Variants in RIC1 observed in about 807,000 individuals in gnomAD.
RIC1 encodes the protein RIC1 partner of RAB6A GEF complex, also known as guanine nucleotide exchange factor subunit RIC1.
Under a neutral mutation model 169.0 loss-of-function variants are expected in RIC1, and 88 were observed. The ratio of observed to expected loss-of-function variants is 0.52; its 90% CI spans 0.44 to 0.62. RIC1 has a LOEUF of 0.62. Ranked by LOEUF, RIC1 falls within the 20% of genes least tolerant of loss-of-function variation. RIC1 has a pLI of 0.00. For missense variants in RIC1, 1,877 were observed against 1,725.5 expected (o/e 1.09, Z -1.56); for synonymous variants, 790 against 601.5 (o/e 1.31, Z -4.59).
chr9:5,716,438 C>T (rs555656316), intron 4 of RIC1, among the ~76,000 whole-genome samples: 44 of 152,192 alleles, frequency 2.9e-4, no homozygotes, highest in African/African-American at 1.1e-3. Flanking sequence ...CATAGTGAAA[C>T]CCTGTCTCTA....
At chr9:5,633,060 T>C (rs921249200) in intron 1 of RIC1, among the ~76,000 whole-genome samples, 12 of 152,220 alleles carry the variant, frequency 7.9e-5, no homozygotes, top group African/African-American at 2.9e-4. Flanking sequence ...TTGTGAGATA[T>C]CACTGTTGTA....
In RIC1 at chr9:5,720,217, C is replaced by G; in HGVS notation, c.476C>G (p.Thr159Ser). Residue 159 changes from threonine (T) to serine (S), a missense_variant, in exon 5 of 26, where the codon ACT (threonine) becomes AGT (serine). Transcript: ENST00000414202. ...GTGTTGGAAGATCTCCTGGTTGCTA[C>G]TTCTGATGGACTTCTTCATCTTATT... is the stretch of plus-strand genomic sequence containing the variant. Reference protein sequence around the residue: ...QSVLEDLLVATSDGLLHLIHW... With the variant: ...QSVLEDLLVASSDGLLHLIHW... 6.2e-7 allele frequency: 1 copy of G among 1,612,930 alleles called. No homozygotes were observed. The highest frequency in any genetic ancestry group is 8.5e-7 in the Non-Finnish European group (1 of 1,178,968).
chr9:5,629,118 C>G lies in RIC1; in HGVS notation c.-192C>G, dbSNP rs546036177. 1.0e-5 allele frequency: 4 copies of G among 400,400 alleles called. No homozygotes were observed. The highest frequency in any genetic ancestry group is 4.8e-5 in the Admixed American group (1 of 21,010). 24.8% of individuals were successfully genotyped at this position (400,400 alleles called of 1,614,324 possible). The stretch of plus-strand genomic sequence containing the variant: ...CCCTTCCCTCCCCCACACTCGGCCC[C>G]GTCAGCTTGGGGGTGCCTTCGTCGC... On this transcript the variant is annotated 5_prime_UTR_variant, in exon 1 of 26. Transcript: ENST00000414202.
Position 5,720,697 on chromosome 9 carries a change from A to G in RIC1, c.667A>G (p.Asn223Asp), listed in dbSNP as rs954089478. ...ATLDGFAVVF[N>D]DGKVGFITPV... ...ACTTGATGGGTTTGCTGTTGTATTT[A>G]ATGATGGTAAAGTTGGATTTATTAC... The change falls in exon 6 of 26, where the codon AAT becomes GAT. Residue 223 changes from asparagine (N) to aspartate (D), a missense_variant. Asn to Asp is a conservative substitution (Grantham distance 23). Around this residue, in one of 3 missense-constraint regions of RIC1, gnomAD observed 1,104 missense variants for 992.0 expected, o/e 1.11. Transcript: ENST00000414202. 16 of 1,612,482 alleles carry G rather than the reference A, an allele frequency of 9.9e-6. No individual in the cohort carries two copies. The highest frequency in any genetic ancestry group is 1.7e-4 in the Middle Eastern group (1 of 6,056).
rs558288145 is a variant in RIC1, at chr9:5,768,686, C to T, written c.3138-284C>T. 2.6e-5 allele frequency among the ~76,000 whole-genome samples: 4 copies of T among 152,208 alleles called. No homozygotes were observed. The East Asian group carries it at 7.7e-4, about 29-fold the overall frequency. ...TATAGCATAGAGGTTTGCTGCCTTT[C>T]TTTCTGTCAGCCACCCATCACCTGC... On this transcript the variant is annotated intron_variant, in intron 21 of 25. Coordinates refer to ENST00000414202, the MANE Select transcript of RIC1 (RefSeq NM_020829.4).
intron 1 of RIC1, among the ~76,000 whole-genome samples, chr9:5,641,482 G>C (rs1449906029): frequency 6.6e-6 from 1 of 152,122 alleles, no homozygotes; most frequent in Non-Finnish European, 1.5e-5. Context: ...GGTTTGGGAA[G>C]TTCTCTCTTA....
chr9:5,718,943 GGTTTA>G (rs1823429291), intron 4 of RIC1: 1 of 151,888 alleles, frequency 6.6e-6, no homozygotes, highest in African/African-American at 2.4e-5. Context: ...AAGAATTAAA[GGTTTA>G]GTTTAAGAAT....
At chr9:5,701,749 C>G (rs1334761415) in intron 3 of RIC1, among the ~76,000 whole-genome samples, 1 of 152,082 alleles carries the variant, frequency 6.6e-6, no homozygotes, top group Non-Finnish European at 1.5e-5. Context: ...TAGTGCATGT[C>G]AAATCTATTA....
rs369200435 is a variant in RIC1 at position 5,774,181 on chromosome 9, G to A, written c.4207G>A (p.Asp1403Asn). 5.6e-6 allele frequency: 9 copies of A among 1,613,920 alleles called. No homozygotes were observed. In the African/African-American group the frequency reaches 9.3e-5, roughly 17 times the overall value. Residue 1403 changes from aspartate to asparagine, a missense_variant, in exon 26 of 26, where the codon GAC (aspartate) becomes AAC (asparagine). By Grantham distance (23) the Asp-to-Asn change is conservative. This residue lies in a region of RIC1 where 681 missense variants were observed against 582.0 expected (regional missense o/e 1.17). Coordinates refer to ENST00000414202, the MANE Select transcript of RIC1 (RefSeq NM_020829.4). ...SSNMVSRKEE[D>N]TAQAEEEEPF... is the part of the protein sequence containing the mutation. ...CAATATGGTCAGCCGGAAAGAGGAG[G>A]ACACAGCCCAAGCAGAGGAGGAAGA...
intron 6 of RIC1, among the ~76,000 whole-genome samples, chr9:5,723,603 T>C (rs1004185458): frequency 6.6e-6 from 1 of 152,222 alleles, no homozygotes; most frequent in Non-Finnish European, 1.5e-5. Context: ...TTGCCATTGC[T>C]TTTGGTGTTT....
At chr9:5,734,948 T>C (rs1388891235) in intron 7 of RIC1, among the ~76,000 whole-genome samples, 1 of 152,214 alleles carries the variant, frequency 6.6e-6, no homozygotes, top group East Asian at 1.9e-4. Flanking sequence ...TAATTAATGA[T>C]AAATCCCTAA....
chr9:5,675,341 C>A (rs184700796), intron 2 of RIC1, among the ~76,000 whole-genome samples: 1 of 151,948 alleles, frequency 6.6e-6, no homozygotes, highest in Non-Finnish European at 1.5e-5. Flanking sequence ...AGGAGGTAAT[C>A]TAAAAAGATT....
In RIC1 at chr9:5,720,769, G is replaced by A. The variant is rs1189985312; in HGVS notation, c.720+19G>A. On this transcript the variant is annotated intron_variant, in intron 6 of 25. Coordinates refer to ENST00000414202, the MANE Select transcript of RIC1 (RefSeq NM_020829.4). ...TGCAGAGGTATGACTTATTTACTTT[G>A]AAGGGTTTTTTGTTATTGTGTACTT... The A allele has an allele frequency of 3.2e-6, 5 of 1,568,654 alleles. No homozygotes were observed. Among genetic ancestry groups the A allele is most frequent in the South Asian group, 1.2e-5 (1 of 83,770 alleles).
intron 1 of RIC1, among the ~76,000 whole-genome samples, chr9:5,641,587 G>A (rs749434146): frequency 1.6e-4 from 25 of 151,726 alleles, no homozygotes; most frequent in Admixed American, 7.9e-4. Context: ...TATTTTTTAG[G>A]CATGCTTCAC....
intron 7 of RIC1, among the ~76,000 whole-genome samples, 182 bp from the exon 8 acceptor site, chr9:5,738,268 G>C (rs751225476): frequency 2.0e-5 from 3 of 152,090 alleles, no homozygotes; most frequent in Non-Finnish European, 4.4e-5. Context: ...GGATATATCT[G>C]GAAGTGAAAT....
chr9:5,664,028 G>C (rs1274889451), intron 2 of RIC1, among the ~76,000 whole-genome samples: 2 of 152,138 alleles, frequency 1.3e-5, no homozygotes, highest in Non-Finnish European at 2.9e-5. Flanking sequence ...GCGTTTGCTT[G>C]TCTGAACAGG....
intron 6 of RIC1, among the ~76,000 whole-genome samples, chr9:5,728,776 C>T (rs946811903): frequency 6.6e-6 from 1 of 152,176 alleles, no homozygotes; most frequent in South Asian, 2.1e-4. Context: ...TTTTGGCCTT[C>T]TGTCATAATT....
rs1342788834 is a variant in RIC1 at position 5,763,841 on chromosome 9, A to C, written c.2814A>C (p.Thr938=). The C allele has an allele frequency of 6.2e-7, 1 of 1,613,872 alleles. No individual in the cohort carries two copies. The highest frequency in any genetic ancestry group is 8.5e-7 in the Non-Finnish European group (1 of 1,179,776). The stretch of plus-strand genomic sequence containing the variant: ...GTTTGATGGCTCAGGATTTGGACAC[A>C]GCTGCCTCTTACCTTATTATCTTAC... ...EECLMAQDLD[T]AASYLIILQN... The change falls in exon 19 of 26, where the codon ACA becomes ACC. Residue 938 remains threonine, a synonymous_variant. Transcript: ENST00000414202. This position sits in a 1 kb window ranked among gnomAD's most constrained non-coding sequence, Gnocchi z 5.2.
At position 5,742,955 on chromosome 9, in the gene RIC1, C is replaced by G. The variant is rs371214803; in HGVS notation, c.988C>G (p.Leu330Val). ...VVIVTWEYGG[L>V]SLWSVFGAQL... The stretch of plus-strand genomic sequence containing the variant: ...AATAGTGACCTGGGAATACGGAGGC[C>G]TTTCTTTATGGAGTGTTTTTGGAGC... The change falls in exon 9 of 26, where the codon CTT becomes GTT. Residue 330 changes from leucine (L) to valine (V), a missense_variant. Leu to Val is a conservative substitution (Grantham distance 32). Transcript: ENST00000414202. 12 of 1,613,318 alleles carry G rather than the reference C, an allele frequency of 7.4e-6. No homozygotes were observed. Among genetic ancestry groups the G allele is most frequent in the East Asian group, 2.2e-5 (1 of 44,838 alleles).
Sources: allele counts gnomAD v4.1 joint callset (sites outside exome capture counted in the v4.1 genomes callset), GRCh38; gene constraint gnomAD v4.1.1; regional missense constraint gnomAD v4.1.1; non-coding constraint Gnocchi (gnomAD v3.1); transcripts MANE v1.5; gene names NCBI Gene and HGNC (gene_info 2026-07-23, HGNC 2026-07-21).